Variants in RASGEF1A observed in about 807,000 individuals in gnomAD.
RASGEF1A encodes ras-GEF domain-containing family member 1A.
RASGEF1A carries 18 observed loss-of-function variants against 56.4 expected under a neutral mutation model. The ratio of observed to expected loss-of-function variants is 0.32; its 90% CI spans 0.22 to 0.47. The LOEUF is 0.47. Ranked by LOEUF, RASGEF1A falls within the 20% of genes least tolerant of loss-of-function variation. The probability of loss-of-function intolerance (pLI) is 1.00; values close to 1 mark genes in which losing one functional copy is unlikely to be tolerated. For missense variants in RASGEF1A, 422 were observed against 627.1 expected (o/e 0.67, Z 3.49); for synonymous variants, 245 against 242.6 (o/e 1.01, Z -0.09).
At chr10:43,243,460 T>A (rs1388443211) in intron 1 of RASGEF1A, among the ~76,000 whole-genome samples, 4 of 136,294 alleles carry the variant, frequency 2.9e-5, no homozygotes, top group Admixed American at 1.5e-4. Flanking sequence ...GCCTGGGAAG[T>A]GAGGGGCGTC....
At chr10:43,242,084 G>C (rs1840508397) in intron 1 of RASGEF1A, among the ~76,000 whole-genome samples, 1 of 152,154 alleles carries the variant, frequency 6.6e-6, no homozygotes, top group Non-Finnish European at 1.5e-5. Flanking sequence ...CTTGCAGTGA[G>C]CCAAGACTGC....
chr10:43,256,385 G>A (rs1177060726), intron 1 of RASGEF1A, among the ~76,000 whole-genome samples: 1 of 152,216 alleles, frequency 6.6e-6, no homozygotes, highest in Non-Finnish European at 1.5e-5. Context: ...GATGGGACAA[G>A]GGCTGAGCGG....
intron 1 of RASGEF1A, among the ~76,000 whole-genome samples, chr10:43,252,709 G>A (rs968516804): frequency 1.3e-5 from 2 of 152,058 alleles, no homozygotes; most frequent in African/African-American, 4.8e-5. Context: ...CAGAGGACCC[G>A]GTTTCAGGGC....
At chr10:43,251,581 C>T (rs890587274) in intron 1 of RASGEF1A, among the ~76,000 whole-genome samples, 1 of 152,218 alleles carries the variant, frequency 6.6e-6, no homozygotes, top group African/African-American at 2.4e-5. Flanking sequence ...ATTGAGATGT[C>T]AGCCCAGAGC....
intron 1 of RASGEF1A, among the ~76,000 whole-genome samples, chr10:43,232,189 G>C (rs1025278901): frequency 6.6e-6 from 1 of 152,232 alleles, no homozygotes; most frequent in African/African-American, 2.4e-5. Flanking sequence ...GGTTGGAGGC[G>C]ATTGGATCAT....
chr10:43,198,157 A>G lies in RASGEF1A; in HGVS notation c.1071T>C (p.Arg357=), dbSNP rs758067684. 1.2e-6 allele frequency: 2 copies of G among 1,613,720 alleles called. No individual in the cohort carries two copies. Among genetic ancestry groups the G allele is most frequent in the South Asian group, 1.1e-5 (1 of 91,080 alleles). Residue 357 remains arginine (R), a synonymous_variant, in exon 10 of 13, where the codon CGT becomes CGC. Coordinates refer to ENST00000395810, the MANE Select transcript of RASGEF1A (RefSeq NM_145313.4). ...TCTGCGTGGCCCCCTGCAGGGCTGTACGGTAGTTGCAGAAGTTGCTGGACG... is the reference window on the plus strand; with the variant it reads ...TCTGCGTGGCCCCCTGCAGGGCTGTGCGGTAGTTGCAGAAGTTGCTGGACG... ...MDPSSNFCNY[R]TALQGATQRS... is the part of the protein sequence containing the mutation.
chr10:43,196,611 G>A lies in RASGEF1A; in HGVS notation c.1349-63C>T. The A allele has an allele frequency of 6.8e-7, 1 of 1,460,404 alleles. No homozygotes were observed. The highest frequency in any genetic ancestry group is 9.5e-7 in the Non-Finnish European group (1 of 1,048,146). The allele number at this position is 1,460,404 out of a possible 1,614,324, so 90.5% of individuals were successfully genotyped here. A position where few individuals can be genotyped will look rare whatever the true frequency, so the allele number is the denominator to read the frequency against. On this transcript the variant is annotated intron_variant, in intron 11 of 12. Transcript: ENST00000395810. This position sits in a 1 kb window ranked among gnomAD's most constrained non-coding sequence, Gnocchi z 4.6. ...ATGCAGTGTCTGCCTGAACCCAGCT[G>A]TCCCTTCAGGAGTACAGCCCAGCAC...
rs1043059022 is a variant in RASGEF1A, at chr10:43,229,773, C to T, written c.-6-23651G>A. 7.0e-6 allele frequency: 9 copies of T among 1,291,130 alleles called. No homozygotes were observed. The African/African-American group carries it at 1.4e-4, about 20-fold the overall frequency. 80.0% of individuals were successfully genotyped at this position (1,291,130 alleles called of 1,614,324 possible). On this transcript the variant is annotated intron_variant, in intron 1 of 12. Coordinates refer to ENST00000395810, the MANE Select transcript of RASGEF1A (RefSeq NM_145313.4). ...CGCCGGCCCCTGCCGCTGGACGCCT[C>T]CGCTGGAGGGGTGGGACCCCGGAAG... is the stretch of plus-strand genomic sequence containing the variant.
intron 1 of RASGEF1A, among the ~76,000 whole-genome samples, chr10:43,238,814 G>A (rs1299883810): frequency 6.6e-6 from 1 of 152,204 alleles, no homozygotes; most frequent in Non-Finnish European, 1.5e-5. Context: ...CCATCCCCAT[G>A]AGCCAGAGAG....
intron 1 of RASGEF1A, among the ~76,000 whole-genome samples, chr10:43,215,200 C>T (rs930778425): frequency 2.6e-5 from 4 of 152,184 alleles, no homozygotes; most frequent in African/African-American, 9.6e-5. Flanking sequence ...GCCCTCAGGG[C>T]CCATCATGCA....
intron 1 of RASGEF1A, chr10:43,206,877 G>A: frequency 1.0e-6 from 1 of 985,900 alleles, no homozygotes; most frequent in South Asian, 4.7e-5. Context: ...GTGAGTCTGA[G>A]TGCCCCTGAG....
rs1388640137 is a variant in RASGEF1A, at chr10:43,200,790, G to A, written c.558C>T (p.Leu186=). The change falls in exon 5 of 13, where the codon CTC becomes CTT. Residue 186 remains leucine (L), a synonymous_variant. Transcript: ENST00000395810. ...RSQLQELREK[L]RPPAVDKGPI... is the part of the protein sequence containing the mutation. ...GCCCCTTGTCTACAGCCGGTGGCCG[G>A]AGCTTCTCTCGCAGTTCCTGGAGCT... is the stretch of plus-strand genomic sequence containing the variant. The A allele has an allele frequency of 1.2e-6, 2 of 1,613,918 alleles. No homozygotes were observed. Among genetic ancestry groups the A allele is most frequent in the Non-Finnish European group, 1.7e-6 (2 of 1,180,026 alleles).
intron 1 of RASGEF1A, among the ~76,000 whole-genome samples, chr10:43,255,014 T>G (rs903079848): frequency 6.6e-6 from 1 of 152,018 alleles, no homozygotes; most frequent in African/African-American, 2.4e-5. Flanking sequence ...GGCTCCCCAT[T>G]CCCAGGCATC....
chr10:43,266,678 G>A (rs1463624522), intron 1 of RASGEF1A, among the ~76,000 whole-genome samples, 167 bp downstream of exon 1: 3 of 146,194 alleles, frequency 2.1e-5, no homozygotes, highest in African/African-American at 7.4e-5. Flanking sequence ...CCCCGCGCGC[G>A]TCCCCCGCCC....
chr10:43,255,271 C>T lies in RASGEF1A; in HGVS notation c.-7+11574G>A, dbSNP rs1415667022. The stretch of plus-strand genomic sequence containing the variant: ...GCCCCTCACACCACCTAGGCCAAGC[C>T]GCCCAGCCCTGCCCGCCTAGGCTGC... On this transcript the variant is annotated intron_variant, in intron 1 of 12. Transcript: ENST00000395810. Among the ~76,000 whole-genome samples the T allele has an allele frequency of 2.6e-5, 4 of 152,316 alleles. 1 individual carries two copies. The highest frequency in any genetic ancestry group is 4.1e-4 in the South Asian group (2 of 4,830).
intron 9 of RASGEF1A, among the ~76,000 whole-genome samples, chr10:43,198,570 G>A (rs574370443): frequency 6.6e-6 from 1 of 152,350 alleles, no homozygotes; most frequent in South Asian, 2.1e-4. Flanking sequence ...ACACATCTGA[G>A]GAAGGCTGCA....
intron 1 of RASGEF1A, among the ~76,000 whole-genome samples, chr10:43,212,569 G>A (rs1840082751): frequency 6.6e-6 from 1 of 152,238 alleles, no homozygotes; most frequent in South Asian, 2.1e-4. Flanking sequence ...ACTGGCACCT[G>A]AACCTCATGG....
Position 43,203,393 on chromosome 10 carries a change from T to C in RASGEF1A, c.226A>G (p.Ser76Gly), listed in dbSNP as rs1205342001. ...TGAGGGGGCATAAAGACCCGGGAGCTCAGGAGAAAGGTGAAGATGTACGTC... is the reference window on the plus strand; with the variant it reads ...TGAGGGGGCATAAAGACCCGGGAGCCCAGGAGAAAGGTGAAGATGTACGTC... Reference protein sequence around the residue: ...DRTYIFTFLLSSRVFMPPHDL... With the variant: ...DRTYIFTFLLGSRVFMPPHDL... The change falls in exon 3 of 13, where the codon AGC becomes GGC. Residue 76 changes from serine (S) to glycine (G), a missense_variant. By Grantham distance (56) the Ser-to-Gly change is moderately conservative. Transcript: ENST00000395810. 2 of 1,584,264 alleles carry C rather than the reference T, an allele frequency of 1.3e-6. No individual in the cohort carries two copies.
chr10:43,229,602 C>T, intron 1 of RASGEF1A: 2 of 1,474,110 alleles, frequency 1.4e-6, no homozygotes, highest in Non-Finnish European at 1.8e-6. Context: ...GAACCCTGCC[C>T]CGCGGCCTTG....
Sources: gnomAD v4.1 joint callset for allele counts (sites outside exome capture counted in the v4.1 genomes callset) on GRCh38, gnomAD v4.1.1 for gene constraint, Gnocchi (gnomAD v3.1) non-coding constraint, MANE v1.5 for transcripts, NCBI Gene and HGNC (gene_info 2026-07-23, HGNC 2026-07-21) for gene names.